The following GABRG3 variants were observed in gnomAD, a reference collection of about 807,000 sequenced individuals.
GABRG3 encodes gamma-aminobutyric acid receptor subunit gamma-3.
Under a neutral mutation model 48.8 loss-of-function variants are expected in GABRG3, and 25 were observed. The observed-to-expected ratio is 0.51, with a 90% CI of 0.37 to 0.72. GABRG3 has a LOEUF of 0.72. GABRG3 is among the 30% of genes least tolerant of loss of function. The probability of loss-of-function intolerance (pLI) is 0.00; values close to 1 mark genes in which losing one functional copy is unlikely to be tolerated. For synonymous variants in GABRG3, 227 were observed against 217.6 expected, an observed-to-expected ratio of 1.04 and a Z score of -0.38; for missense variants, 394 against 577.9, an observed-to-expected ratio of 0.68 and a Z score of 3.26.
chr15:27,513,165 C>T (rs57074264), intron 6 of GABRG3, among the ~76,000 whole-genome samples: 20,819 of 151,962 alleles, frequency 0.14, 3,694 homozygotes, highest in African/African-American at 0.41. Context: ...ATGAAAGCCA[C>T]GGACAGGCGC....
At chr15:27,290,858 A>G (rs902737103) in intron 3 of GABRG3, among the ~76,000 whole-genome samples, 10 of 152,202 alleles carry the variant, frequency 6.6e-5, no homozygotes, top group African/African-American at 2.4e-4. Context: ...TGGCCCATCA[A>G]TTGTAACACA....
intron 5 of GABRG3, among the ~76,000 whole-genome samples, chr15:27,375,515 G>A (rs574256282): frequency 1.3e-5 from 2 of 152,302 alleles, no homozygotes; most frequent in South Asian, 4.1e-4. Flanking sequence ...TTTTTATGCT[G>A]CTGATAAAGA....
chr15:27,452,353 A>G (rs1889136201), intron 5 of GABRG3, among the ~76,000 whole-genome samples: 1 of 152,192 alleles, frequency 6.6e-6, no homozygotes, highest in South Asian at 2.1e-4. Context: ...TAGAACTGTC[A>G]TATGATCCAG....
intron 3 of GABRG3, among the ~76,000 whole-genome samples, chr15:27,144,595 G>A (rs1898164820): frequency 6.6e-6 from 1 of 152,194 alleles, no homozygotes; most frequent in Admixed American, 6.5e-5. Context: ...GCTAAGGAGT[G>A]AGATGTGCAT....
At chr15:27,193,253 C>G (rs1464541068) in intron 3 of GABRG3, among the ~76,000 whole-genome samples, 1 of 152,166 alleles carries the variant, frequency 6.6e-6, no homozygotes, top group East Asian at 1.9e-4. Flanking sequence ...TCAAAGCTGT[C>G]AGACAGGGAC....
chr15:27,079,508 T>C lies in GABRG3; in HGVS notation c.270+52687T>C, dbSNP rs182614845. On this transcript the variant is annotated intron_variant, in intron 3 of 9. Coordinates refer to ENST00000615808, the MANE Select transcript of GABRG3 (RefSeq NM_033223.5). ...CCGTGTGGAGTGTGTGTGTTGGGAG[T>C]GGGTGAGATTTCACTGCAGGATTGA... is the stretch of plus-strand genomic sequence containing the variant. 5.3e-5 allele frequency among the ~76,000 whole-genome samples: 8 copies of C among 151,356 alleles called. No individual in the cohort carries two copies. The East Asian group carries it at 1.6e-3, about 30-fold the overall frequency.
intron 3 of GABRG3, among the ~76,000 whole-genome samples, chr15:27,104,763 A>C (rs1219542826): frequency 6.6e-6 from 1 of 152,236 alleles, no homozygotes; most frequent in Non-Finnish European, 1.5e-5. Context: ...CTGGGATCAC[A>C]CAAGACAGAG....
rs183609019 is a variant in GABRG3 at position 27,065,559 on chromosome 15, G to A, written c.270+38738G>A. 3.3e-5 allele frequency among the ~76,000 whole-genome samples: 5 copies of A among 152,280 alleles called. No homozygotes were observed. The East Asian group carries it at 7.7e-4, about 23-fold the overall frequency. On this transcript the variant is annotated intron_variant, in intron 3 of 9. Transcript: ENST00000615808. Reference sequence around the variant, plus strand: ...CCATTCCCAATATCCCCTGGGTTTGGACCAGAACATTTACAAGGAAATGTG... The same window carrying A: ...CCATTCCCAATATCCCCTGGGTTTGAACCAGAACATTTACAAGGAAATGTG...
chr15:27,349,441 T>C (rs1894482944), intron 5 of GABRG3, among the ~76,000 whole-genome samples: 2 of 152,146 alleles, frequency 1.3e-5, no homozygotes, highest in African/African-American at 4.8e-5. Context: ...ATGCCATTTC[T>C]TCGAAGAGAC....
intron 3 of GABRG3, among the ~76,000 whole-genome samples, chr15:27,221,745 G>A (rs944565554): frequency 6.6e-6 from 1 of 152,092 alleles, no homozygotes; most frequent in African/African-American, 2.4e-5. Flanking sequence ...GATCAACGTA[G>A]CCTGTTTTAG....
chr15:27,273,023 C>T (rs1891138658), intron 3 of GABRG3, among the ~76,000 whole-genome samples: 1 of 152,170 alleles, frequency 6.6e-6, no homozygotes, highest in Non-Finnish European at 1.5e-5. Flanking sequence ...GAATGTGGCT[C>T]TGTTCCAATA....
At chr15:27,426,168 A>G (rs1200562994) in intron 5 of GABRG3, among the ~76,000 whole-genome samples, 1 of 152,160 alleles carries the variant, frequency 6.6e-6, no homozygotes, top group Non-Finnish European at 1.5e-5. Flanking sequence ...GTCTATCACC[A>G]AGTGCCTCCT....
chr15:27,089,789 A>G (rs909311593), intron 3 of GABRG3, among the ~76,000 whole-genome samples: 2 of 152,258 alleles, frequency 1.3e-5, no homozygotes, highest in South Asian at 2.1e-4. Flanking sequence ...ATGAAATCAT[A>G]TGCCATGTGG....
chr15:27,089,257 C>T (rs1354343877), intron 3 of GABRG3, among the ~76,000 whole-genome samples: 3 of 152,102 alleles, frequency 2.0e-5, no homozygotes, highest in Non-Finnish European at 2.9e-5. Flanking sequence ...ATCCACAGAG[C>T]GCGACATTCC....
chr15:27,236,379 C>T lies in GABRG3; in HGVS notation c.271-90430C>T, dbSNP rs1889967303. On this transcript the variant is annotated intron_variant, in intron 3 of 9. Coordinates refer to ENST00000615808, the MANE Select transcript of GABRG3 (RefSeq NM_033223.5). The surrounding 1 kb of genome is among the most constrained non-coding windows in gnomAD (Gnocchi z 4.4). ...AGCCCACTGAATGGACCCCCTGACCCACTGTTGGCTGAGAGAAACCTTAGA... is the reference window on the plus strand; with the variant it reads ...AGCCCACTGAATGGACCCCCTGACCTACTGTTGGCTGAGAGAAACCTTAGA... 6.6e-6 allele frequency among the ~76,000 whole-genome samples: 1 copy of T among 152,156 alleles called. No individual in the cohort carries two copies. The highest frequency in any genetic ancestry group is 2.4e-5 in the African/African-American group (1 of 41,430).
At chr15:27,446,865 C>A (rs2140637963) in intron 5 of GABRG3, among the ~76,000 whole-genome samples, 1 of 152,222 alleles carries the variant, frequency 6.6e-6, no homozygotes, top group Non-Finnish European at 1.5e-5. Context: ...AGAAATATGG[C>A]ATTCTGTGAG....
At chr15:27,302,613 ATCAG>A (rs1274860992) in intron 3 of GABRG3, among the ~76,000 whole-genome samples, 5 of 152,042 alleles carry the variant, frequency 3.3e-5, no homozygotes, top group African/African-American at 1.2e-4. Flanking sequence ...ATATAGAAAA[ATCAG>A]TCAGTGCCAT....
intron 5 of GABRG3, among the ~76,000 whole-genome samples, chr15:27,346,013 T>G (rs1316543299): frequency 2.8e-5 from 4 of 144,232 alleles, no homozygotes; most frequent in Non-Finnish European, 4.5e-5. Flanking sequence ...AAGATTGCAC[T>G]GCTGCACTTC....
chr15:27,212,663 G>A (rs12899144), intron 3 of GABRG3, among the ~76,000 whole-genome samples: 8,575 of 152,118 alleles, frequency 0.056, 483 homozygotes, highest in African/African-American at 0.14. Flanking sequence ...CGTCACCACC[G>A]CCCATCTCTA....
Sources: gnomAD v4.1 joint callset for allele counts (sites outside exome capture counted in the v4.1 genomes callset) on GRCh38, gnomAD v4.1.1 for gene constraint, Gnocchi (gnomAD v3.1) non-coding constraint, MANE v1.5 for transcripts, NCBI Gene and HGNC (gene_info 2026-07-23, HGNC 2026-07-21) for gene names.